IQCE: variants seen among roughly 807,000 people sequenced by gnomAD.
The protein encoded by IQCE is IQ domain-containing protein E.
A neutral mutation model predicts 96.0 loss-of-function variants in IQCE; 115 were observed. That is an observed-to-expected ratio of 1.20 (90% confidence interval 1.03 to 1.40). The LOEUF is 1.40. Among genes scored for constraint, IQCE ranks in the 40% most tolerant of loss-of-function variants. The pLI, the probability that IQCE is intolerant of heterozygous loss-of-function variation, is 0.00. For missense variants in IQCE, 1,041 were observed against 909.1 expected (o/e 1.15, Z -1.87); for synonymous variants, 412 against 371.2 (o/e 1.11, Z -1.26).
chr7:2,567,362 A>T (rs1301010394), intron 2 of IQCE, among the ~76,000 whole-genome samples, 199 bp downstream of exon 2: 2 of 152,234 alleles, frequency 1.3e-5, no homozygotes, highest in Non-Finnish European at 2.9e-5. Flanking sequence ...TAAAACTTTT[A>T]TCTGGACGTG....
At chr7:2,569,507 G>C (rs554518255) in intron 3 of IQCE, among the ~76,000 whole-genome samples, 1 of 152,268 alleles carries the variant, frequency 6.6e-6, no homozygotes, top group Non-Finnish European at 1.5e-5. Context: ...TCAGCAGGAG[G>C]AGGGCAGCAT....
Position 2,571,645 on chromosome 7 carries a change from G to A in IQCE, c.250G>A (p.Ala84Thr), listed in dbSNP as rs775525262. 2.2e-5 allele frequency: 35 copies of A among 1,599,354 alleles called. No homozygotes were observed. The highest frequency in any genetic ancestry group is 2.2e-4 in the Admixed American group (13 of 59,982). Residue 84 changes from alanine to threonine, a missense_variant, in exon 4 of 22, where the codon GCA becomes ACA. By Grantham distance (58) the Ala-to-Thr change is moderately conservative. Transcript: ENST00000402050. Reference protein sequence around the residue: ...LTPQKLWLGTAKPGSLTQALN... With the variant: ...LTPQKLWLGTTKPGSLTQALN... Reference sequence around the variant, plus strand: ...CCCGCAGAAGCTGTGGCTGGGAACCGCAAAGCCAGGTATGTGGTTGTCGCA... The same window carrying A: ...CCCGCAGAAGCTGTGGCTGGGAACCACAAAGCCAGGTATGTGGTTGTCGCA...
Position 2,572,435 on chromosome 7 carries a change from A to G in IQCE, c.394+109A>G, listed in dbSNP as rs1233955933. 10 of 1,222,938 alleles carry G rather than the reference A, an allele frequency of 8.2e-6. No individual in the cohort carries two copies. The East Asian group carries it at 2.3e-4, about 28-fold the overall frequency. 75.8% of individuals were successfully genotyped at this position (1,222,938 alleles called of 1,614,324 possible). On this transcript the variant is annotated intron_variant, in intron 5 of 21. Transcript: ENST00000402050. ...CAGAGCAGGATTTCTGGCTTCGTGCATGAGCTCCGTCACTGGGAGGTTTTG... is the reference window on the plus strand; with the variant it reads ...CAGAGCAGGATTTCTGGCTTCGTGCGTGAGCTCCGTCACTGGGAGGTTTTG...
At chr7:2,594,442 A>G (rs1038403616) in intron 15 of IQCE, among the ~76,000 whole-genome samples, 2 of 152,230 alleles carry the variant, frequency 1.3e-5, no homozygotes, top group African/African-American at 4.8e-5. Context: ...ACTGTTTACT[A>G]AAACCCCAGT....
rs902238979 is a variant in IQCE, at chr7:2,587,989, G to C, written c.1044+112G>C. 7 of 1,009,328 alleles carry C rather than the reference G, an allele frequency of 6.9e-6. No homozygotes were observed. In the African/African-American group the frequency reaches 1.1e-4, roughly 16 times the overall value. 62.5% of individuals were successfully genotyped at this position (1,009,328 alleles called of 1,614,324 possible). Reference sequence around the variant, plus strand: ...TGAGCATGGCACTGGCTGTCTGCCAGGCAGCGCCACACACAGACCGCAAGG... The same window carrying C: ...TGAGCATGGCACTGGCTGTCTGCCACGCAGCGCCACACACAGACCGCAAGG... On this transcript the variant is annotated intron_variant, in intron 13 of 21. Coordinates refer to ENST00000402050, the MANE Select transcript of IQCE (RefSeq NM_152558.5).
rs1785086046 is a variant in IQCE, at chr7:2,611,128, CT to C, written c.*967del. 1 of 139,922 alleles carries C rather than the reference CT, an allele frequency of 7.1e-6. No individual in the cohort carries two copies. Among genetic ancestry groups the C allele is most frequent in the Non-Finnish European group, 1.6e-5 (1 of 64,134 alleles). 8.7% of individuals were successfully genotyped at this position (139,922 alleles called of 1,614,324 possible). A position where few individuals can be genotyped will look rare whatever the true frequency, so the allele number is the denominator to read the frequency against. ...AGCTCCATGGCTGGGCTGGGCTGGGCTGGGCTGGGCTGGGCCGGGCGTGCGG... is the reference window on the plus strand; with the variant it reads ...AGCTCCATGGCTGGGCTGGGCTGGGCGGGCTGGGCTGGGCCGGGCGTGCGG... On this transcript the variant is annotated 3_prime_UTR_variant, in exon 22 of 22. Coordinates refer to ENST00000402050, the MANE Select transcript of IQCE (RefSeq NM_152558.5).
chr7:2,606,878 C>T (rs913698936), intron 20 of IQCE, among the ~76,000 whole-genome samples: 14 of 152,244 alleles, frequency 9.2e-5, no homozygotes, highest in East Asian at 7.7e-4. Flanking sequence ...AAAACCATGC[C>T]GGCCTGACCT....
In IQCE at chr7:2,610,049, T is replaced by A; in HGVS notation, c.1975T>A (p.Ser659Thr). Residue 659 changes from serine to threonine, a missense_variant, in exon 22 of 22, where the codon TCT becomes ACT. Transcript: ENST00000402050. ...CCTGTGGTTCATTTCTGCAGACCCC[T>A]CTCCCTCAGGGCCACAGGCCTTGGC... ...PPFLAALPDP[S>T]PSGPQALAPL... 6.3e-7 allele frequency: 1 copy of A among 1,580,204 alleles called. No individual in the cohort carries two copies. Among genetic ancestry groups the A allele is most frequent in the Non-Finnish European group, 8.7e-7 (1 of 1,149,198 alleles).
chr7:2,574,254 C>T (rs554443823), intron 6 of IQCE, among the ~76,000 whole-genome samples: 7 of 152,290 alleles, frequency 4.6e-5, no homozygotes, highest in Non-Finnish European at 8.8e-5. Context: ...TGAGACACTG[C>T]GTTCAGTTGG....
chr7:2,593,102 G>A lies in IQCE; in HGVS notation c.1325G>A (p.Arg442Lys), dbSNP rs766373097. 2.5e-6 allele frequency: 4 copies of A among 1,612,680 alleles called. No individual in the cohort carries two copies. In the South Asian group the frequency reaches 4.4e-5, roughly 18 times the overall value. ...TGCGCGAGGGAGGGCGAGGAGGAGA[G>A]GAGAGAGCGAGAGGAGGTTTTGAGG... The part of the protein sequence containing the change: ...LECAREGEEE[R>K]REREEVLREE... The change falls in exon 15 of 22, where the codon AGG (arginine) becomes AAG (lysine). Residue 442 changes from arginine (R) to lysine (K), a missense_variant. Physicochemically the swap from Arg to Lys is conservative, Grantham distance 26. Coordinates refer to ENST00000402050, the MANE Select transcript of IQCE (RefSeq NM_152558.5).
At chr7:2,573,209 ATCTC>A (rs368653906) in intron 5 of IQCE, among the ~76,000 whole-genome samples, 12 of 152,208 alleles carry the variant, frequency 7.9e-5, no homozygotes, top group African/African-American at 1.7e-4. Context: ...TTTTTGCTTC[ATCTC>A]TCTCTATCTA....
At chr7:2,583,224 G>A (rs1443678187) in intron 9 of IQCE, among the ~76,000 whole-genome samples, 1 of 152,138 alleles carries the variant, frequency 6.6e-6, no homozygotes, top group Non-Finnish European at 1.5e-5. Flanking sequence ...TGAGACCGAG[G>A]GGATGGCCTG....
At chr7:2,598,754 C>A in intron 17 of IQCE, 122 bp downstream of exon 17, 1 of 818,854 alleles carries the variant, frequency 1.2e-6, no homozygotes, top group South Asian at 3.3e-5. Flanking sequence ...GTCTGAGCAC[C>A]GTAACATACA....
chr7:2,598,241 C>T lies in IQCE; in HGVS notation c.1441-224C>T. 9.1e-6 allele frequency: 4 copies of T among 437,306 alleles called. No individual in the cohort carries two copies. In the South Asian group the frequency reaches 2.1e-4, roughly 23 times the overall value. 27.1% of individuals were successfully genotyped at this position (437,306 alleles called of 1,614,324 possible). ...AGAGTTAAGGGAGTTTAATGAGAAGCACGTCTGCACTTGTGTGCTCGCCTA... is the reference window on the plus strand; with the variant it reads ...AGAGTTAAGGGAGTTTAATGAGAAGTACGTCTGCACTTGTGTGCTCGCCTA... On this transcript the variant is annotated intron_variant, in intron 16 of 21. Coordinates refer to ENST00000402050, the MANE Select transcript of IQCE (RefSeq NM_152558.5).
chr7:2,605,621 A>AAAAT (rs746675940), intron 19 of IQCE, among the ~76,000 whole-genome samples: 23 of 146,688 alleles, frequency 1.6e-4, no homozygotes, highest in Admixed American at 7.7e-4. Context: ...CTCCATCTCA[A>AAAAT]AAATAAATAA....
intron 5 of IQCE, 51 bp from the exon 6 acceptor site, chr7:2,573,367 T>G: frequency 1.1e-6 from 1 of 873,394 alleles, no homozygotes; most frequent in Non-Finnish European, 1.9e-6. Context: ...AGCCAAGAAT[T>G]CTTTCTACTT....
chr7:2,565,663 G>A (rs1230947352), intron 1 of IQCE, among the ~76,000 whole-genome samples: 1 of 152,152 alleles, frequency 6.6e-6, no homozygotes, highest in Non-Finnish European at 1.5e-5. Flanking sequence ...GCTAACCTGT[G>A]TGTCCAGTTC....
chr7:2,589,555 G>A (rs1783411175), intron 13 of IQCE, among the ~76,000 whole-genome samples: 1 of 152,114 alleles, frequency 6.6e-6, no homozygotes, highest in Non-Finnish European at 1.5e-5. Flanking sequence ...GAGACTGAAA[G>A]CATGAAGGCT....
At position 2,610,438 on chromosome 7, in the gene IQCE, C is replaced by T. The variant is rs940653865; in HGVS notation, c.*276C>T. On this transcript the variant is annotated 3_prime_UTR_variant, in exon 22 of 22. Coordinates refer to ENST00000402050, the MANE Select transcript of IQCE (RefSeq NM_152558.5). Reference sequence around the variant, plus strand: ...CCAACAGACACATCTGCCGTGAACTCGCAGATGCCAGGGAGCCCTGTAGTG... The same window carrying T: ...CCAACAGACACATCTGCCGTGAACTTGCAGATGCCAGGGAGCCCTGTAGTG... The T allele has an allele frequency of 8.1e-6, 3 of 370,840 alleles. No homozygotes were observed. Among genetic ancestry groups the T allele is most frequent in the South Asian group, 6.0e-5 (2 of 33,296 alleles). 23.0% of individuals were successfully genotyped at this position (370,840 alleles called of 1,614,324 possible). A position where few individuals can be genotyped will look rare whatever the true frequency, so the allele number is the denominator to read the frequency against.
Sources: allele counts gnomAD v4.1 joint callset (sites outside exome capture counted in the v4.1 genomes callset), GRCh38; gene constraint gnomAD v4.1.1; transcripts MANE v1.5; gene names NCBI Gene and HGNC (gene_info 2026-07-23, HGNC 2026-07-21).